Variants in LSM3 observed in about 807,000 individuals in gnomAD.
The protein encoded by LSM3 is LSM3 homolog, U6 small nuclear RNA and mRNA degradation associated, also known as U6 snRNA-associated Sm-like protein LSm3.
In LSM3, 14 loss-of-function variants were observed where a neutral mutation model predicts 15.4. The observed-to-expected ratio is 0.91, with a 90% CI of 0.60 to 1.42. The LOEUF is 1.42. Among genes scored for constraint, LSM3 ranks in the 40% most tolerant of loss-of-function variants. The probability of loss-of-function intolerance (pLI) is 0.00; values close to 1 mark genes in which losing one functional copy is unlikely to be tolerated. For missense variants in LSM3, 88 were observed against 127.9 expected, an observed-to-expected ratio of 0.69 and a Z score of 1.50; for synonymous variants, 46 against 45.1, an observed-to-expected ratio of 1.02 and a Z score of -0.08.
chr3:14,195,637 G>C (rs1381891937), intron 3 of LSM3, among the ~76,000 whole-genome samples: 1 of 152,198 alleles, frequency 6.6e-6, no homozygotes, highest in African/African-American at 2.4e-5. Flanking sequence ...TCTGAATACT[G>C]TTAGGAGCCC....
chr3:14,200,524 G>A lies in LSM3; in HGVS notation c.*2408G>A, dbSNP rs1697225511. ...TGGTGACTGGTGGTTTCTGCAATGA[G>A]GTGTCAGATTAGCCTAAGGGAAGCC... On this transcript the variant is annotated 3_prime_UTR_variant, in exon 4 of 4. Transcript: ENST00000306024. 1 of 152,252 alleles carries A rather than the reference G, an allele frequency of 6.6e-6. No individual in the cohort carries two copies. The highest frequency in any genetic ancestry group is 6.5e-5 in the Admixed American group (1 of 15,282). The allele number at this position is 152,252 out of a possible 1,614,324, so 9.4% of individuals were successfully genotyped here. A position where few individuals can be genotyped will look rare whatever the true frequency, so the allele number is the denominator to read the frequency against.
intron 3 of LSM3, among the ~76,000 whole-genome samples, chr3:14,192,972 G>A (rs550013881): frequency 6.6e-6 from 1 of 152,302 alleles, no homozygotes; most frequent in African/African-American, 2.4e-5. Context: ...GGCAGGCCTG[G>A]TGGTGACAAA....
intron 2 of LSM3, 146 bp downstream of exon 2, chr3:14,181,816 C>T (rs1311617633): frequency 1.8e-5 from 10 of 557,944 alleles, no homozygotes; most frequent in Admixed American, 3.4e-5. Flanking sequence ...CCAAATAAAG[C>T]GGCATGTATT....
At chr3:14,191,766 C>T (rs1477305972) in intron 3 of LSM3, among the ~76,000 whole-genome samples, 1 of 151,344 alleles carries the variant, frequency 6.6e-6, no homozygotes, top group Non-Finnish European at 1.5e-5. Flanking sequence ...TAGGGTTTTT[C>T]GTGTCTCTAT....
At chr3:14,184,847 G>A (rs968179858) in intron 3 of LSM3, among the ~76,000 whole-genome samples, 2 of 152,210 alleles carry the variant, frequency 1.3e-5, no homozygotes, top group South Asian at 2.1e-4. Context: ...CCTGAGGTCA[G>A]GAGTTCGAGA....
chr3:14,181,717 C>G lies in LSM3; in HGVS notation c.132+47C>G, dbSNP rs772335577. 11 of 1,333,322 alleles carry G rather than the reference C, an allele frequency of 8.3e-6. No homozygotes were observed. The African/African-American group carries it at 1.3e-4, about 16-fold the overall frequency. 82.6% of individuals were successfully genotyped at this position (1,333,322 alleles called of 1,614,324 possible). A position where few individuals can be genotyped will look rare whatever the true frequency, so the allele number is the denominator to read the frequency against. ...CCTTGAAATCAGATTCCTTCCTACC[C>G]CCACTCCCTTGAAATGTAAAACCTG... On this transcript the variant is annotated intron_variant, in intron 2 of 3. Coordinates refer to ENST00000306024, the MANE Select transcript of LSM3 (RefSeq NM_014463.3).
intron 2 of LSM3, among the ~76,000 whole-genome samples, chr3:14,182,501 A>G (rs1697049412): frequency 6.6e-6 from 1 of 152,004 alleles, no homozygotes; most frequent in South Asian, 2.1e-4. Flanking sequence ...ATTTTTTTAC[A>G]TATTTCTTTG....
rs1697219672 is a variant in LSM3 at position 14,199,892 on chromosome 3, T to A, written c.*1776T>A. On this transcript the variant is annotated 3_prime_UTR_variant, in exon 4 of 4. Coordinates refer to ENST00000306024, the MANE Select transcript of LSM3 (RefSeq NM_014463.3). ...GTACCAAGGCCCTGGCTCTGGGCAG[T>A]CTGTTGGCTCCTGGTGTTCACTAAG... 6.6e-6 allele frequency: 1 copy of A among 152,396 alleles called. No homozygotes were observed. Among genetic ancestry groups the A allele is most frequent in the African/African-American group, 2.4e-5 (1 of 41,464 alleles). The allele number at this position is 152,396 out of a possible 1,614,324, so 9.4% of individuals were successfully genotyped here.
At chr3:14,185,779 C>T (rs539499187) in intron 3 of LSM3, among the ~76,000 whole-genome samples, 2 of 152,184 alleles carry the variant, frequency 1.3e-5, no homozygotes, top group Admixed American at 1.3e-4. Flanking sequence ...GGATCTCTTA[C>T]TCATGCATGA....
At chr3:14,193,581 T>G (rs1697160799) in intron 3 of LSM3, among the ~76,000 whole-genome samples, 1 of 152,248 alleles carries the variant, frequency 6.6e-6, no homozygotes, top group Non-Finnish European at 1.5e-5. Context: ...CTATTGATAC[T>G]TGTTTATTCT....
chr3:14,178,879 C>A lies in LSM3; in HGVS notation c.19C>A (p.Gln7Lys), dbSNP rs375531143. 6.2e-7 allele frequency: 1 copy of A among 1,614,088 alleles called. No individual in the cohort carries two copies. The highest frequency in any genetic ancestry group is 1.3e-5 in the African/African-American group (1 of 74,934). Residue 7 changes from glutamine to lysine, a missense_variant and splice_region_variant, in exon 1 of 4, where the codon CAG becomes AAG. Coordinates refer to ENST00000306024, the MANE Select transcript of LSM3 (RefSeq NM_014463.3). ...TTGAAACATGGCGGACGACGTAGAC[C>A]AGGTAAGTGTATTTTAAGGAGGTCG... MADDVD[Q>K]QQTTNTVEEP...
chr3:14,181,453 G>A, intron 1 of LSM3, 107 bp from the exon 2 acceptor site: 1 of 723,868 alleles, frequency 1.4e-6, no homozygotes, highest in Non-Finnish European at 2.5e-6. Context: ...TTAGGAGACT[G>A]AGGCAGAAAA....
chr3:14,194,199 C>A (rs1177196242), intron 3 of LSM3, among the ~76,000 whole-genome samples: 1 of 152,184 alleles, frequency 6.6e-6, no homozygotes, highest in African/African-American at 2.4e-5. Context: ...TCTGTCGGCC[C>A]CAACTGGGAG....
At chr3:14,185,270 T>C (rs1697078125) in intron 3 of LSM3, among the ~76,000 whole-genome samples, 1 of 152,134 alleles carries the variant, frequency 6.6e-6, no homozygotes, top group Non-Finnish European at 1.5e-5. Context: ...GAGAATCACT[T>C]GAACCTGGGA....
At chr3:14,180,905 C>T (rs1456923282) in intron 1 of LSM3, among the ~76,000 whole-genome samples, 1 of 128,728 alleles carries the variant, frequency 7.8e-6, no homozygotes, top group Non-Finnish European at 1.6e-5. Flanking sequence ...AGCTGGAGTG[C>T]AGTGGCACGA....
chr3:14,179,269 C>G (rs1696984816), intron 1 of LSM3, among the ~76,000 whole-genome samples: 1 of 152,194 alleles, frequency 6.6e-6, no homozygotes, highest in East Asian at 1.9e-4. Context: ...AGGCACTGTT[C>G]TAAGGGCCAG....
chr3:14,190,035 C>A (rs1697124683), intron 3 of LSM3, among the ~76,000 whole-genome samples: 1 of 152,204 alleles, frequency 6.6e-6, no homozygotes, highest in Non-Finnish European at 1.5e-5. Context: ...GTTTTCCCAA[C>A]ACCATTTATT....
intron 3 of LSM3, among the ~76,000 whole-genome samples, chr3:14,190,228 G>C (rs1461475204): frequency 6.6e-6 from 1 of 152,204 alleles, no homozygotes; most frequent in Non-Finnish European, 1.5e-5. Context: ...AAGTCAAGTA[G>C]TATGATGCCT....
chr3:14,181,466 G>C, intron 1 of LSM3, 94 bp from the exon 2 acceptor site: 1 of 778,322 alleles, frequency 1.3e-6, no homozygotes, highest in Admixed American at 2.2e-5. Flanking sequence ...GCAGAAAAAG[G>C]TTAAATAACT....
Sources: allele counts gnomAD v4.1 joint callset (sites outside exome capture counted in the v4.1 genomes callset), GRCh38; gene constraint gnomAD v4.1.1; transcripts MANE v1.5; gene names NCBI Gene and HGNC (gene_info 2026-07-23, HGNC 2026-07-21).